The following EVI5 variants were observed in gnomAD, a reference collection of about 807,000 sequenced individuals.
The protein encoded by EVI5 is ecotropic viral integration site 5.
A neutral mutation model predicts 112.0 loss-of-function variants in EVI5; 73 were observed. The ratio of observed to expected loss-of-function variants is 0.65; its 90% CI spans 0.54 to 0.79. The LOEUF is 0.79. EVI5 is among the 30% of genes least tolerant of loss of function. EVI5 has a pLI of 0.00. For synonymous variants in EVI5, 305 were observed against 319.9 expected, an observed-to-expected ratio of 0.95 and a Z score of 0.50; for missense variants, 900 against 968.8, an observed-to-expected ratio of 0.93 and a Z score of 0.94.
intron 16 of EVI5, among the ~76,000 whole-genome samples, chr1:92,619,667 C>G (rs1654073168): frequency 1.3e-5 from 2 of 151,562 alleles, no homozygotes; most frequent in South Asian, 4.2e-4. Context: ...TGACTGTAAT[C>G]CTAGCACTTT....
chr1:92,574,803 T>C (rs967832812), intron 18 of EVI5, among the ~76,000 whole-genome samples: 2 of 152,184 alleles, frequency 1.3e-5, no homozygotes, highest in Non-Finnish European at 2.9e-5. Flanking sequence ...AATCTATACA[T>C]AATTTATAAG....
At chr1:92,525,979 A>C (rs1366195278) in intron 19 of EVI5, among the ~76,000 whole-genome samples, 1 of 152,232 alleles carries the variant, frequency 6.6e-6, no homozygotes, top group African/African-American at 2.4e-5. Context: ...CAAATGAAAT[A>C]TATGTTTCTT....
intron 1 of EVI5, among the ~76,000 whole-genome samples, chr1:92,740,223 A>G (rs910687588): frequency 2.0e-5 from 3 of 152,230 alleles, no homozygotes; most frequent in African/African-American, 7.2e-5. Flanking sequence ...ACTATCTATT[A>G]TCATTTTACA....
intron 19 of EVI5, among the ~76,000 whole-genome samples, chr1:92,561,921 C>T (rs747337226): frequency 3.3e-5 from 5 of 151,988 alleles, no homozygotes; most frequent in Non-Finnish European, 5.9e-5. Flanking sequence ...TATAGGCGTG[C>T]GCCCACACCT....
At position 92,636,349 on chromosome 1, in the gene EVI5, G is replaced by A; in HGVS notation, c.1393-13C>T. On this transcript the variant is annotated splice_polypyrimidine_tract_variant and intron_variant, in intron 13 of 19. Coordinates refer to ENST00000684568, the MANE Select transcript of EVI5 (RefSeq NM_001350197.2). ...AACTGCATTTATGCTAAAGGTTACA[G>A]ACATACACTGAAATTTCATGAAAGT... The A allele has an allele frequency of 1.9e-6, 3 of 1,607,804 alleles. No homozygotes were observed. The highest frequency in any genetic ancestry group is 2.2e-5 in the East Asian group (1 of 44,830).
chr1:92,702,909 G>A (rs528222398), intron 4 of EVI5, among the ~76,000 whole-genome samples: 2 of 152,206 alleles, frequency 1.3e-5, no homozygotes, highest in Non-Finnish European at 2.9e-5. Flanking sequence ...TTAACAAGAA[G>A]TCAGTATTTC....
intron 1 of EVI5, among the ~76,000 whole-genome samples, chr1:92,744,028 T>G (rs992830676): frequency 6.6e-6 from 1 of 152,226 alleles, no homozygotes; most frequent in Non-Finnish European, 1.5e-5. Flanking sequence ...TTCATTTTCC[T>G]TCAGTTCAAA....
chr1:92,727,483 TTCTG>T (rs1416225490), intron 2 of EVI5, among the ~76,000 whole-genome samples: 1 of 152,182 alleles, frequency 6.6e-6, no homozygotes, highest in Non-Finnish European at 1.5e-5. Flanking sequence ...TAGATCTCTT[TTCTG>T]TCTGTCATGA....
At chr1:92,575,069 C>T (rs1670850320) in intron 18 of EVI5, among the ~76,000 whole-genome samples, 1 of 152,124 alleles carries the variant, frequency 6.6e-6, no homozygotes, top group East Asian at 1.9e-4. Context: ...GACTAGGAGG[C>T]AAATATAAAA....
At chr1:92,542,581 G>C (rs1248142295) in intron 19 of EVI5, among the ~76,000 whole-genome samples, 7 of 152,178 alleles carry the variant, frequency 4.6e-5, no homozygotes, top group African/African-American at 1.7e-4. Context: ...AAATCCATTA[G>C]AGGAATCACT....
chr1:92,763,813 T>A, intron 1 of EVI5, among the ~76,000 whole-genome samples: 1 of 151,462 alleles, frequency 6.6e-6, no homozygotes, highest in East Asian at 1.9e-4. Context: ...ATAATAAAAT[T>A]TACATGAAAG....
intron 1 of EVI5, among the ~76,000 whole-genome samples, chr1:92,769,738 T>C (rs986909714): frequency 2.0e-5 from 3 of 151,918 alleles, no homozygotes; most frequent in African/African-American, 4.8e-5. Flanking sequence ...ATATAAAAAA[T>C]TAGCCGGGTG....
intron 10 of EVI5, among the ~76,000 whole-genome samples, chr1:92,674,582 T>C (rs1293637535): frequency 6.6e-6 from 1 of 151,992 alleles, no homozygotes; most frequent in Admixed American, 6.6e-5. Context: ...AAATACCTAA[T>C]GTAGATGACG....
chr1:92,708,108 T>C (rs2102587277), intron 2 of EVI5, among the ~76,000 whole-genome samples: 1 of 152,146 alleles, frequency 6.6e-6, no homozygotes, highest in Non-Finnish European at 1.5e-5. Context: ...GCCTTAATTA[T>C]GACCAAAACT....
rs570128022 is a variant in EVI5 at position 92,533,903 on chromosome 1, C to T, written c.2167-19933G>A. 6.6e-5 allele frequency among the ~76,000 whole-genome samples: 10 copies of T among 152,258 alleles called. No individual in the cohort carries two copies. In the East Asian group the frequency reaches 1.9e-3, roughly 29 times the overall value. ...GATGCCCTCTCTCACCACTCCTAGT[C>T]AACATAGTGTTGGAAGTTCTGGCCA... On this transcript the variant is annotated intron_variant, in intron 19 of 19. Coordinates refer to ENST00000684568, the MANE Select transcript of EVI5 (RefSeq NM_001350197.2).
At chr1:92,784,082 AAT>A (rs973774249) in intron 1 of EVI5, among the ~76,000 whole-genome samples, 5 of 152,202 alleles carry the variant, frequency 3.3e-5, no homozygotes, top group Admixed American at 3.3e-4. Context: ...CTCTACCAGC[AAT>A]AGATAGGAGG....
At chr1:92,648,213 A>C (rs1276000447) in intron 13 of EVI5, among the ~76,000 whole-genome samples, 4 of 1,842 alleles carry the variant, frequency 2.2e-3, no homozygotes, top group African/African-American at 6.4e-3. Context: ...AAAAAAAAAA[A>C]AAAAACAAAA....
At chr1:92,589,688 G>A (rs1673443123) in intron 18 of EVI5, among the ~76,000 whole-genome samples, 1 of 152,198 alleles carries the variant, frequency 6.6e-6, no homozygotes, top group Non-Finnish European at 1.5e-5. Context: ...CACCTCTGGG[G>A]GCAGGGCATA....
At chr1:92,651,800 G>A (rs1367898419) in intron 13 of EVI5, among the ~76,000 whole-genome samples, 2 of 141,942 alleles carry the variant, frequency 1.4e-5, no homozygotes, top group African/African-American at 5.4e-5. Context: ...GCAGTGAGCC[G>A]AGATCCCGCC....
Sources: allele counts gnomAD v4.1 joint callset (sites outside exome capture counted in the v4.1 genomes callset), GRCh38; gene constraint gnomAD v4.1.1; transcripts MANE v1.5; gene names NCBI Gene and HGNC (gene_info 2026-07-23, HGNC 2026-07-21).